The following ASS1 variants were observed in gnomAD, a reference collection of about 807,000 sequenced individuals.
ASS1 encodes the protein argininosuccinate synthase.
ASS1 carries 58 observed loss-of-function variants against 60.5 expected under a neutral mutation model. The observed-to-expected ratio is 0.96, with a 90% CI of 0.78 to 1.19. ASS1 has a LOEUF of 1.19. Ranked by LOEUF, ASS1 falls within the 50% of genes most tolerant of loss-of-function variation. The pLI is 0.00. For missense variants in ASS1, 454 were observed against 547.3 expected (o/e 0.83, Z 1.70); for synonymous variants, 200 against 206.9 (o/e 0.97, Z 0.29).
intron 1 of ASS1, chr9:130,445,239 CGGGG>C (rs1564898354): frequency 3.7e-6 from 3 of 810,070 alleles, no homozygotes; most frequent in Admixed American, 8.1e-4. Context: ...CGCGAGTCCC[CGGGG>C]GCGCGAGTCC....
chr9:130,464,029 G>A (rs1564906346), intron 4 of ASS1, 82 bp from the exon 5 acceptor site: 1 of 1,479,766 alleles, frequency 6.8e-7, no homozygotes, highest in Non-Finnish European at 9.4e-7. Context: ...TCCGCCACGG[G>A]CTGTCCTTGT....
Position 130,494,931 on chromosome 9 carries a change from G to A in ASS1, c.1035G>A (p.Val345=), listed in dbSNP as rs2118880192. The A allele has an allele frequency of 9.9e-6, 16 of 1,613,630 alleles. No homozygotes were observed. The highest frequency in any genetic ancestry group is 1.4e-5 in the Non-Finnish European group (16 of 1,179,956). ...RHCIAKSQER[V]EGKVQVSVLK... is the part of the protein sequence containing the mutation. ...GCATCGCCAAGTCCCAGGAGCGAGT[G>A]GAAGGGAAAGTGCAGGTGTCCGTCC... Residue 345 remains valine, a synonymous_variant, in exon 13 of 15, where the codon GTG becomes GTA. Coordinates refer to ENST00000352480, the MANE Select transcript of ASS1 (RefSeq NM_054012.4). The surrounding 1 kb of genome is among the most constrained non-coding windows in gnomAD (Gnocchi z 4.3).
At chr9:130,490,602 C>T (rs907654992) in intron 12 of ASS1, among the ~76,000 whole-genome samples, 1 of 152,194 alleles carries the variant, frequency 6.6e-6, no homozygotes, top group African/African-American at 2.4e-5. Flanking sequence ...GCATGAGCCA[C>T]TCTGTCTGGC....
intron 13 of ASS1, among the ~76,000 whole-genome samples, 157 bp from the exon 14 acceptor site, chr9:130,499,348 A>G (rs1846679612): frequency 6.6e-6 from 1 of 152,226 alleles, no homozygotes; most frequent in Admixed American, 6.5e-5. Flanking sequence ...AGTTGTACAG[A>G]AATTCAATGG....
intron 4 of ASS1, among the ~76,000 whole-genome samples, chr9:130,460,579 G>A (rs562278999): frequency 8.5e-5 from 13 of 152,302 alleles, no homozygotes; most frequent in Non-Finnish European, 1.9e-4. Flanking sequence ...GTGAGAGGCA[G>A]AGGGAACAGC....
chr9:130,458,305 C>T lies in ASS1; in HGVS notation c.175-96C>T, dbSNP rs925733820. On this transcript the variant is annotated intron_variant, in intron 3 of 14. Transcript: ENST00000352480. ...GCACCAGGTACAGCGGGGGTGGCCCCGTATAGGTCTCAGCTAGCTGAGGCC... is the reference window on the plus strand; with the variant it reads ...GCACCAGGTACAGCGGGGGTGGCCCTGTATAGGTCTCAGCTAGCTGAGGCC... 37 of 1,461,312 alleles carry T rather than the reference C, an allele frequency of 2.5e-5. No individual in the cohort carries two copies. In the African/African-American group the frequency reaches 3.1e-4, roughly 12 times the overall value. 90.5% of individuals were successfully genotyped at this position (1,461,312 alleles called of 1,614,324 possible).
At chr9:130,483,767 C>CCTCCCTCTCTCCCTTTCCTT (rs1846230733) in intron 11 of ASS1, among the ~76,000 whole-genome samples, 1 of 151,306 alleles carries the variant, frequency 6.6e-6, no homozygotes, top group Non-Finnish European at 1.5e-5. Context: ...TTCCTTTCCT[C>CCTCCCTCTCTCCCTTTCCTT]CTCCCTCTCT....
chr9:130,467,179 G>T (rs757960873), intron 6 of ASS1, among the ~76,000 whole-genome samples: 1 of 152,074 alleles, frequency 6.6e-6, no homozygotes, highest in Non-Finnish European at 1.5e-5. Context: ...TGTGATGGCC[G>T]GCCGGGGGGA....
chr9:130,467,398 C>T (rs1283975687), intron 6 of ASS1, among the ~76,000 whole-genome samples: 3 of 152,206 alleles, frequency 2.0e-5, no homozygotes, highest in Non-Finnish European at 4.4e-5. Context: ...TTTAGCGACT[C>T]GATGGCAGCC....
chr9:130,466,931 AC>A, intron 6 of ASS1, 132 bp downstream of exon 6: 1 of 1,048,552 alleles, frequency 9.5e-7, no homozygotes, highest in Non-Finnish European at 1.4e-6. Flanking sequence ...TTGAACTTCC[AC>A]CCCAGCTGCC....
At chr9:130,454,149 A>G (rs1845384567) in intron 2 of ASS1, among the ~76,000 whole-genome samples, 156 bp from the exon 3 acceptor site, 1 of 152,214 alleles carries the variant, frequency 6.6e-6, no homozygotes, top group Non-Finnish European at 1.5e-5. Flanking sequence ...TCACCTCTCC[A>G]GGCCTTGGGC....
In ASS1 at chr9:130,476,908, AC is replaced by A; in HGVS notation, c.638del (p.Pro213GlnfsTer21). ...CCAGGTCTCTACACGAAGACCCAGG[AC>A]CCAGCCAAAGCCCCCAACACCCCTG... ...APPGLYTKTQ[D>X]PAKAPNTPDI... On this transcript the variant is annotated frameshift_variant, in exon 9 of 15. Transcript: ENST00000352480. LOFTEE classifies it high-confidence loss of function. The surrounding 1 kb of genome is among the most constrained non-coding windows in gnomAD (Gnocchi z 4.9). The A allele has an allele frequency of 6.2e-7, 1 of 1,614,046 alleles. No individual in the cohort carries two copies. The highest frequency in any genetic ancestry group is 1.1e-5 in the South Asian group (1 of 91,068).
chr9:130,464,223 GGGA>G (rs1845672508), intron 5 of ASS1, 56 bp downstream of exon 5: 7 of 1,574,500 alleles, frequency 4.4e-6, no homozygotes, highest in South Asian at 1.1e-5. Context: ...GCACCTGATG[GGGA>G]GGAGGGCACA....
intron 13 of ASS1, among the ~76,000 whole-genome samples, chr9:130,496,407 C>G (rs146426996): frequency 4.0e-5 from 6 of 151,844 alleles, no homozygotes; most frequent in African/African-American, 1.4e-4. Context: ...GGCAACACAG[C>G]AAAACCCTGT....
At chr9:130,462,138 C>T (rs1367524412) in intron 4 of ASS1, among the ~76,000 whole-genome samples, 5 of 151,830 alleles carry the variant, frequency 3.3e-5, no homozygotes, top group Non-Finnish European at 7.4e-5. Context: ...GTGGCCCTTG[C>T]GGGGCTCCTC....
At chr9:130,482,498 C>T (rs911860858) in intron 11 of ASS1, among the ~76,000 whole-genome samples, 103 of 151,816 alleles carry the variant, frequency 6.8e-4, no homozygotes, top group African/African-American at 2.3e-3. Flanking sequence ...TCAGGATTGG[C>T]ATACGTGATG....
At chr9:130,484,220 A>G (rs1846244929) in intron 11 of ASS1, among the ~76,000 whole-genome samples, 1 of 152,072 alleles carries the variant, frequency 6.6e-6, no homozygotes, top group African/African-American at 2.4e-5. Flanking sequence ...TTCCCAAAGG[A>G]CCAGAGCCTT....
In ASS1 at chr9:130,454,374, G is replaced by A. The variant is rs748264993; in HGVS notation, c.174+1G>A. The stretch of plus-strand genomic sequence containing the variant: ...GGCACTGAAGCTTGGGGCCAAAAAG[G>A]TACCAGGCGGGAGGCAGGGATTTGG... On this transcript the variant is annotated splice_donor_variant, in intron 3 of 14. Transcript: ENST00000352480. LOFTEE classifies it high-confidence loss of function. 3 of 1,613,524 alleles carry A rather than the reference G, an allele frequency of 1.9e-6. No individual in the cohort carries two copies. Among genetic ancestry groups the A allele is most frequent in the Non-Finnish European group, 1.7e-6 (2 of 1,179,712 alleles).
intron 13 of ASS1, among the ~76,000 whole-genome samples, chr9:130,498,485 T>C (rs892211078): frequency 2.6e-5 from 4 of 152,212 alleles, no homozygotes; most frequent in Admixed American, 2.6e-4. Context: ...GGCCCCTCCC[T>C]GTGGACACCA....
Sources: gnomAD v4.1 joint callset for allele counts (sites outside exome capture counted in the v4.1 genomes callset) on GRCh38, gnomAD v4.1.1 for gene constraint, Gnocchi (gnomAD v3.1) non-coding constraint, MANE v1.5 for transcripts, NCBI Gene and HGNC (gene_info 2026-07-23, HGNC 2026-07-21) for gene names.